ANO1: variants seen among roughly 807,000 people sequenced by gnomAD.
The protein encoded by ANO1 is anoctamin 1.
Under a neutral mutation model 124.0 loss-of-function variants are expected in ANO1, and 59 were observed. The observed-to-expected ratio is 0.48, with a 90% CI of 0.39 to 0.59. The LOEUF (loss-of-function observed/expected upper bound fraction) is 0.59. ANO1 is among the 20% of genes least tolerant of loss of function. The pLI, the probability that ANO1 is intolerant of heterozygous loss-of-function variation, is 0.00. For missense variants in ANO1, 1,059 were observed against 1,328.0 expected (o/e 0.80, Z 3.15); for synonymous variants, 529 against 532.0 (o/e 0.99, Z 0.08).
chr11:70,179,958 C>T, intron 22 of ANO1, 46 bp from the exon 23 acceptor site: 1 of 1,564,714 alleles, frequency 6.4e-7, no homozygotes, highest in Non-Finnish European at 8.8e-7. Context: ...GCTGGAATGA[C>T]TGAGAGTGTA....
intron 1 of ANO1, among the ~76,000 whole-genome samples, chr11:69,995,334 T>A (rs1447049787): frequency 6.6e-6 from 1 of 152,028 alleles, no homozygotes; most frequent in East Asian, 1.9e-4. Context: ...CCTGACCTTG[T>A]GATCTACCCA....
intron 11 of ANO1, among the ~76,000 whole-genome samples, chr11:70,133,950 C>G (rs1048476964): frequency 2.6e-5 from 4 of 152,318 alleles, no homozygotes; most frequent in Admixed American, 1.3e-4. Context: ...CCTACCCTTC[C>G]GGAGACCCGG....
chr11:70,125,575 T>A (rs2046473362), intron 9 of ANO1, among the ~76,000 whole-genome samples: 1 of 147,696 alleles, frequency 6.8e-6, no homozygotes, highest in African/African-American at 2.5e-5. Flanking sequence ...CTGGGCACGG[T>A]GGCTCACGCC....
intron 2 of ANO1, among the ~76,000 whole-genome samples, chr11:70,095,427 A>AAAG (rs10667749): frequency 0.26 from 7,882 of 30,562 alleles, 1,117 homozygotes; most frequent in South Asian, 0.31. Flanking sequence ...AGAAAGAAAG[A>AAAG]AAAGAAAAGA....
intron 1 of ANO1, among the ~76,000 whole-genome samples, chr11:69,988,258 A>G (rs1856086805): frequency 6.6e-6 from 1 of 152,208 alleles, no homozygotes; most frequent in Admixed American, 6.5e-5. Context: ...TGCCACCGGC[A>G]CCCAGACCCA....
chr11:70,158,300 G>A (rs2047905173), intron 16 of ANO1, among the ~76,000 whole-genome samples: 1 of 152,308 alleles, frequency 6.6e-6, no homozygotes, highest in East Asian at 1.9e-4. Flanking sequence ...GGAGCCAGCC[G>A]TGGTCATGTT....
At chr11:70,044,962 A>G (rs547339295) in intron 1 of ANO1, among the ~76,000 whole-genome samples, 1 of 152,376 alleles carries the variant, frequency 6.6e-6, no homozygotes, top group South Asian at 2.1e-4. Context: ...CAATGTCTTC[A>G]AACATAAAGA....
chr11:70,170,038 G>A (rs2048396251), intron 21 of ANO1: 1 of 402,804 alleles, frequency 2.5e-6, no homozygotes, highest in Non-Finnish European at 5.0e-6. Flanking sequence ...CAGCTCCCGG[G>A]TGGGATGATC....
At chr11:70,137,034 TG>T (rs34531530) in intron 11 of ANO1, among the ~76,000 whole-genome samples, 1 of 147,086 alleles carries the variant, frequency 6.8e-6, no homozygotes, top group Non-Finnish European at 1.5e-5. Context: ...TGCAGAGCAT[TG>T]GGAGGTGATG....
At chr11:70,182,110 C>G (rs1019535156) in intron 23 of ANO1, among the ~76,000 whole-genome samples, 4 of 152,128 alleles carry the variant, frequency 2.6e-5, no homozygotes, top group Non-Finnish European at 5.9e-5. Flanking sequence ...ATTCCCTTCT[C>G]CAACAAGCCC....
chr11:70,130,478 T>C (rs1355914843), intron 10 of ANO1, among the ~76,000 whole-genome samples: 1 of 152,212 alleles, frequency 6.6e-6, no homozygotes, highest in African/African-American at 2.4e-5. Flanking sequence ...AACAAGTTAC[T>C]TCCCCTCTCT....
chr11:70,173,035 GC>G (rs2048535123), intron 22 of ANO1, among the ~76,000 whole-genome samples: 1 of 152,078 alleles, frequency 6.6e-6, no homozygotes, highest in Admixed American at 6.6e-5. Context: ...CCACACCTTG[GC>G]CCCTAGTGGC....
At chr11:70,001,396 A>T (rs1856379120) in intron 1 of ANO1, among the ~76,000 whole-genome samples, 1 of 151,998 alleles carries the variant, frequency 6.6e-6, no homozygotes, top group African/African-American at 2.4e-5. Context: ...TTGTTCATGA[A>T]AGCCCGCAAC....
At chr11:70,178,566 C>CT (rs35759051) in intron 22 of ANO1, among the ~76,000 whole-genome samples, 2,859 of 141,282 alleles carry the variant, frequency 0.02, 69 homozygotes, top group African/African-American at 0.057. Flanking sequence ...GGGTATTTCT[C>CT]TTTTTTTTTT....
chr11:70,075,842 A>G (rs1194095478), upstream of ANO1, among the ~76,000 whole-genome samples: 1 of 152,240 alleles, frequency 6.6e-6, no homozygotes, highest in Non-Finnish European at 1.5e-5. Flanking sequence ...AGAACCATCT[A>G]TGGAACAAAA....
At chr11:69,967,716 G>A in the ANO1 span, among the ~76,000 whole-genome samples, 3 of 152,200 alleles carry the variant, frequency 2.0e-5, no homozygotes, top group Non-Finnish European at 2.9e-5. Flanking sequence ...CCAGTCACCT[G>A]CCCGAGGGCC....
upstream of ANO1, among the ~76,000 whole-genome samples, chr11:69,984,596 T>G (rs782221845): frequency 1.3e-5 from 2 of 152,196 alleles, no homozygotes; most frequent in Non-Finnish European, 2.9e-5. Context: ...CCTGGGGCAG[T>G]GTCCTCAGGT....
Position 70,066,314 on chromosome 11 carries a change from C to T in ANO1, c.59-12228C>T, listed in dbSNP as rs143411889. 5.9e-3 allele frequency among the ~76,000 whole-genome samples: 896 copies of T among 152,222 alleles called. 8 individuals carry two copies. The highest frequency in any genetic ancestry group is 0.02 in the African/African-American group (837 of 41,526). On this transcript the variant is annotated intron_variant, in intron 1 of 27. Transcript: ENST00000531349. ...GGTCCCAGGCCCTGAGCTTGCATTCCCAAGGGACCCCATGCTTGGTGTTTG... is the reference window on the plus strand; with the variant it reads ...GGTCCCAGGCCCTGAGCTTGCATTCTCAAGGGACCCCATGCTTGGTGTTTG...
chr11:70,035,717 G>A (rs1243799069), intron 1 of ANO1, among the ~76,000 whole-genome samples: 1 of 152,008 alleles, frequency 6.6e-6, no homozygotes, highest in Non-Finnish European at 1.5e-5. Context: ...GCCCTGGTGT[G>A]TGAGTGCCCA....
Sources: gnomAD v4.1 joint callset for allele counts (sites outside exome capture counted in the v4.1 genomes callset) on GRCh38, gnomAD v4.1.1 for gene constraint, MANE v1.5 for transcripts, NCBI Gene and HGNC (gene_info 2026-07-23, HGNC 2026-07-21) for gene names.